Variants in PUDP observed in about 807,000 individuals in gnomAD.
The protein encoded by PUDP is pseudouridine 5'-phosphatase, also known as pseudouridine-5'-phosphatase.
In PUDP, 8 loss-of-function variants were observed where a neutral mutation model predicts 9.4. The observed-to-expected ratio is 0.85, with a 90% CI of 0.50 to 1.53. PUDP has a LOEUF of 1.53. PUDP is among the 40% of genes most tolerant of loss of function. The pLI is 0.00. For missense variants in PUDP, 188 were observed against 189.7 expected (o/e 0.99, Z 0.05); for synonymous variants, 99 against 80.7 (o/e 1.23, Z -1.22).
chrX:7,140,923 T>C (rs1015650214), intron 1 of PUDP, among the ~76,000 whole-genome samples: 3 of 111,813 alleles, frequency 2.7e-5, no homozygotes, highest in Non-Finnish European at 5.6e-5. Context: ...CTGTGATGAG[T>C]GATCTTTGAT....
At chrX:7,106,983 C>A (rs999108888) in intron 1 of PUDP, among the ~76,000 whole-genome samples, 6 of 112,062 alleles carry the variant, frequency 5.4e-5, no homozygotes, top group Admixed American at 1.9e-4. Flanking sequence ...ATCCCAAGGC[C>A]TGGGCAGAGT....
chrX:7,085,492 G>A (rs1931235688), intron 2 of PUDP: 1 of 112,106 alleles, frequency 8.9e-6, no homozygotes, highest in East Asian at 2.8e-4. Context: ...GACCAAGAAG[G>A]GAGAAAGATG....
At chrX:6,765,183 G>T (rs1420017564) in intron 3 of PUDP, among the ~76,000 whole-genome samples, 4 of 110,978 alleles carry the variant, frequency 3.6e-5, no homozygotes, top group African/African-American at 9.9e-5. Context: ...GGGAGGCTGA[G>T]GCGAGAGGAT....
intron 1 of PUDP, among the ~76,000 whole-genome samples, chrX:7,043,313 C>A (rs1929946698): frequency 9.0e-6 from 1 of 110,922 alleles, no homozygotes; most frequent in South Asian, 3.9e-4. Context: ...TGAGTGGGTT[C>A]TCTATTCAAT....
At chrX:6,906,028 C>T (rs937945802) in intron 3 of PUDP, among the ~76,000 whole-genome samples, 10 of 111,903 alleles carry the variant, frequency 8.9e-5, no homozygotes, top group African/African-American at 2.3e-4. Context: ...GCATTCTATG[C>T]CTAAAACCTT....
At chrX:7,028,347 T>C (rs766347505) in intron 1 of PUDP, among the ~76,000 whole-genome samples, 18 of 110,978 alleles carry the variant, frequency 1.6e-4, no homozygotes, top group Non-Finnish European at 3.0e-4. Flanking sequence ...CTGTACATAA[T>C]TGTATCCAAA....
At chrX:6,921,102 T>C (rs1198173642) in intron 3 of PUDP, among the ~76,000 whole-genome samples, 1 of 111,227 alleles carries the variant, frequency 9.0e-6, no homozygotes, top group Admixed American at 9.6e-5. Flanking sequence ...ATACCATTCA[T>C]GGCCAGGCAC....
chrX:6,937,469 A>G (rs1164358312), intron 3 of PUDP, among the ~76,000 whole-genome samples: 3 of 104,678 alleles, frequency 2.9e-5, no homozygotes, highest in Non-Finnish European at 5.9e-5. Context: ...TACACCTTAT[A>G]CAAAAATCAA....
In PUDP at chrX:6,979,694, C is replaced by T. The variant is rs780667523; in HGVS notation, c.205-1351G>A. On this transcript the variant is annotated intron_variant and NMD_transcript_variant, in intron 1 of 3. Coordinates refer to the PUDP transcript ENST00000655425. ...AAGCCAATAGGGCATTGCTGATAGG[C>T]GAGGACTAAGCAAAGCTTGGCTTCC... 4.6e-4 allele frequency among the ~76,000 whole-genome samples: 51 copies of T among 111,057 alleles called. 2 individuals carry two copies. The South Asian group carries it at 0.017, about 37-fold the overall frequency.
chrX:6,741,668 T>A (rs1278285375), intron 3 of PUDP, among the ~76,000 whole-genome samples: 1 of 110,871 alleles, frequency 9.0e-6, no homozygotes, highest in Non-Finnish European at 1.9e-5. Context: ...GGTAGGTAGA[T>A]AAGTTGATTG....
intron 2 of PUDP, among the ~76,000 whole-genome samples, chrX:7,093,244 C>T (rs1931474441): frequency 9.0e-6 from 1 of 111,451 alleles, no homozygotes; most frequent in African/African-American, 3.3e-5. Context: ...CATACTGAAG[C>T]AGGAGAATAG....
intron 3 of PUDP, among the ~76,000 whole-genome samples, chrX:6,776,917 T>C (rs1157624135): frequency 8.9e-6 from 1 of 112,495 alleles, no homozygotes; most frequent in Non-Finnish European, 1.9e-5. Flanking sequence ...TCTCGGAATA[T>C]TTCCTTGAGT....
At chrX:7,016,103 G>A (rs1404793231) in intron 1 of PUDP, among the ~76,000 whole-genome samples, 1 of 108,298 alleles carries the variant, frequency 9.2e-6, no homozygotes, top group Non-Finnish European at 1.9e-5. Flanking sequence ...GGCTCTTTCA[G>A]AAGGATTGCT....
At chrX:7,060,306 T>C (rs763634698) in intron 3 of PUDP, among the ~76,000 whole-genome samples, 48 of 112,503 alleles carry the variant, frequency 4.3e-4, no homozygotes, top group Non-Finnish European at 6.8e-4. Flanking sequence ...CAAAGATGTG[T>C]TGCAGTACCA....
At chrX:7,078,584 C>T (rs145800682) in intron 2 of PUDP, among the ~76,000 whole-genome samples, 4,553 of 112,375 alleles carry the variant, frequency 0.041, 212 homozygotes, top group African/African-American at 0.14. Context: ...TGAGCTACCA[C>T]GCCTGGCCTA....
intron 1 of PUDP, among the ~76,000 whole-genome samples, chrX:7,019,174 T>C (rs1381753118): frequency 8.1e-5 from 9 of 110,877 alleles, no homozygotes; most frequent in Non-Finnish European, 1.7e-4. Context: ...TTTACTCTTT[T>C]AATAAACTTG....
intron 3 of PUDP, among the ~76,000 whole-genome samples, chrX:6,853,165 C>T (rs925695848): frequency 3.8e-4 from 42 of 111,512 alleles, no homozygotes; most frequent in African/African-American, 1.2e-3. Flanking sequence ...ATGCAGCTGT[C>T]GGCATGTCTT....
intron 1 of PUDP, among the ~76,000 whole-genome samples, chrX:6,996,736 G>A (rs1312917558): frequency 3.9e-5 from 4 of 103,574 alleles, no homozygotes; most frequent in Non-Finnish European, 7.8e-5. Context: ...GGGTGATCTC[G>A]GCTCACTGCA....
chrX:7,086,789 G>A (rs1414086686), intron 2 of PUDP, among the ~76,000 whole-genome samples: 2 of 112,116 alleles, frequency 1.8e-5, no homozygotes, highest in Admixed American at 9.5e-5. Flanking sequence ...ATCAGGGATC[G>A]CCACTTATGG....
Sources: gnomAD v4.1 joint callset for allele counts (sites outside exome capture counted in the v4.1 genomes callset) on GRCh38, gnomAD v4.1.1 for gene constraint, MANE v1.5 for transcripts, NCBI Gene and HGNC (gene_info 2026-07-23, HGNC 2026-07-21) for gene names.